The following NCOA6 variants were observed in gnomAD, a reference collection of about 807,000 sequenced individuals.
NCOA6 encodes NRC RAP250.
NCOA6 carries 49 observed loss-of-function variants against 171.4 expected under a neutral mutation model. The ratio of observed to expected loss-of-function variants is 0.29; its 90% CI spans 0.23 to 0.36. The LOEUF is 0.36. NCOA6 is among the 10% of genes least tolerant of loss of function. NCOA6 has a pLI of 1.00. For missense variants in NCOA6, 2,248 were observed against 2,554.5 expected (o/e 0.88, Z 2.59); for synonymous variants, 910 against 927.5 (o/e 0.98, Z 0.34).
intron 1 of NCOA6, among the ~76,000 whole-genome samples, chr20:34,813,530 A>G (rs2078741078): frequency 6.6e-6 from 1 of 152,074 alleles, no homozygotes; most frequent in Admixed American, 6.6e-5. Context: ...ATGTTAGATA[A>G]TATTAAGAAA....
chr20:34,785,436 A>T (rs892973297), intron 2 of NCOA6, among the ~76,000 whole-genome samples: 96 of 151,394 alleles, frequency 6.3e-4, no homozygotes, highest in African/African-American at 2.2e-3. Flanking sequence ...CAATTTTTTT[A>T]AAAATTAAAA....
chr20:34,785,643 G>A (rs968656752), intron 2 of NCOA6, among the ~76,000 whole-genome samples: 11 of 152,106 alleles, frequency 7.2e-5, no homozygotes, highest in African/African-American at 2.6e-4. Flanking sequence ...TGACTATTTA[G>A]CAGCTATTCC....
chr20:34,725,606 A>T (rs533640884), intron 14 of NCOA6, among the ~76,000 whole-genome samples: 30 of 152,218 alleles, frequency 2.0e-4, no homozygotes, highest in Non-Finnish European at 3.5e-4. Context: ...TACAATGGTA[A>T]ATCATTGAAG....
In NCOA6 at chr20:34,738,229, C is replaced by G. The variant is rs530279422; in HGVS notation, c.5894-1471G>C. 3.9e-5 allele frequency among the ~76,000 whole-genome samples: 6 copies of G among 152,210 alleles called. No individual in the cohort carries two copies. The South Asian group carries it at 1.2e-3, about 32-fold the overall frequency. On this transcript the variant is annotated intron_variant, in intron 11 of 14. Transcript: ENST00000359003. ...ATTTCTCATATTTTCAAAGTAAAAG[C>G]ACAGAAGCCCCTTGAAAAAGAACAG...
chr20:34,817,006 C>A (rs1244696097), intron 1 of NCOA6, among the ~76,000 whole-genome samples: 1 of 150,746 alleles, frequency 6.6e-6, no homozygotes, highest in Non-Finnish European at 1.5e-5. Context: ...GCCTGTAGTC[C>A]CAGCTACTCA....
intron 1 of NCOA6, among the ~76,000 whole-genome samples, chr20:34,808,503 A>G (rs1324977452): frequency 7.2e-6 from 1 of 139,730 alleles, no homozygotes; most frequent in Non-Finnish European, 1.5e-5. Flanking sequence ...CAATGGTGCG[A>G]TCTTGGCTCA....
chr20:34,784,460 AG>A (rs2077605610), intron 2 of NCOA6, among the ~76,000 whole-genome samples: 1 of 152,082 alleles, frequency 6.6e-6, no homozygotes, highest in Non-Finnish European at 1.5e-5. Context: ...TCTTAGGCTC[AG>A]GTGATCCTCC....
chr20:34,739,745 T>C (rs1023321022), intron 11 of NCOA6, among the ~76,000 whole-genome samples: 6 of 152,216 alleles, frequency 3.9e-5, no homozygotes, highest in African/African-American at 1.4e-4. Flanking sequence ...ATATCTGACA[T>C]AGTTGGTATA....
chr20:34,763,663 T>C (rs1191458596), intron 5 of NCOA6, among the ~76,000 whole-genome samples: 2 of 152,218 alleles, frequency 1.3e-5, no homozygotes, highest in Admixed American at 1.3e-4. Context: ...TACCTAATGT[T>C]AATGACTTAG....
chr20:34,809,925 A>C (rs2078597249), intron 1 of NCOA6, among the ~76,000 whole-genome samples: 1 of 152,130 alleles, frequency 6.6e-6, no homozygotes, highest in Non-Finnish European at 1.5e-5. Context: ...TGGAGATTGC[A>C]CCACTGCACT....
chr20:34,795,365 T>C (rs1202569006), intron 1 of NCOA6, among the ~76,000 whole-genome samples: 2 of 152,178 alleles, frequency 1.3e-5, no homozygotes, highest in African/African-American at 4.8e-5. Flanking sequence ...GTGAGACTCT[T>C]CATTTATGCC....
At chr20:34,718,893 G>A (rs1472273115) in intron 14 of NCOA6, among the ~76,000 whole-genome samples, 3 of 152,282 alleles carry the variant, frequency 2.0e-5, no homozygotes, top group African/African-American at 4.8e-5. Flanking sequence ...TGATTGGCAC[G>A]CTGTTCCTAA....
chr20:34,767,835 G>A (rs886801885), intron 5 of NCOA6, among the ~76,000 whole-genome samples: 10 of 152,084 alleles, frequency 6.6e-5, no homozygotes, highest in East Asian at 3.9e-4. Context: ...CTAGTTTATC[G>A]CTCCTTGACC....
At chr20:34,739,207 T>C (rs926025553) in intron 11 of NCOA6, among the ~76,000 whole-genome samples, 4 of 152,250 alleles carry the variant, frequency 2.6e-5, no homozygotes, top group African/African-American at 9.6e-5. Flanking sequence ...AGAGATTACA[T>C]CAAAAAGAAA....
At chr20:34,732,536 G>A (rs1414224845) in intron 13 of NCOA6, 23 bp downstream of exon 13, 15 of 1,611,100 alleles carry the variant, frequency 9.3e-6, no homozygotes, top group East Asian at 8.9e-5. Context: ...TTCATGCTAC[G>A]TCTGCAGAAA....
At position 34,750,239 on chromosome 20, in the gene NCOA6, C is replaced by T. The variant is rs1344600475; in HGVS notation, c.1956G>A (p.Arg652=). 1 of 1,610,474 alleles carries T rather than the reference C, an allele frequency of 6.2e-7. No homozygotes were observed. Among genetic ancestry groups the T allele is most frequent in the Admixed American group, 1.7e-5 (1 of 59,674 alleles). ...LNPQNPMILS[R]AQLMPQGQMM... ...TCTGGCCCTGTGGCATAAGCTGGGC[C>T]CTTGAAAGGATCATAGGGTTCTGAG... Residue 652 remains arginine, a synonymous_variant, in exon 9 of 15, where the codon AGG becomes AGA. Transcript: ENST00000359003.
rs140729049 is a variant in NCOA6, at chr20:34,768,421, A to G, written c.514+43T>C. The G allele has an allele frequency of 2.1e-4, 344 of 1,608,280 alleles. 1 individual carries two copies. In the African/African-American group the frequency reaches 4.4e-3, roughly 20 times the overall value. On this transcript the variant is annotated intron_variant, in intron 5 of 14. Coordinates refer to ENST00000359003, the MANE Select transcript of NCOA6 (RefSeq NM_014071.5). ...CTCAAATGATCAAATAAGCCAAAAA[A>G]GGAAACTAGTAAAATGTCATACAAT...
intron 13 of NCOA6, among the ~76,000 whole-genome samples, chr20:34,731,371 G>A (rs1186225472): frequency 6.6e-6 from 1 of 152,188 alleles, no homozygotes; most frequent in Non-Finnish European, 1.5e-5. Context: ...GCAATACATA[G>A]GTTAAATATC....
chr20:34,758,873 G>T lies in NCOA6; in HGVS notation c.575C>A (p.Ser192Tyr), dbSNP rs2076731635. The change falls in exon 6 of 15, where the codon TCT becomes TAT. Residue 192 changes from serine to tyrosine, a missense_variant. This residue lies in a region of NCOA6 where 987 missense variants were observed against 1,104.7 expected (regional missense o/e 0.89). Transcript: ENST00000359003. ...ATTGGGGCCTGGTGCCATCATGGAA[G>T]ATGACACATTTCCACCCGGGGGTAT... ...VMIPPGGNVS[S>Y]SMMAPGPNPE... 2 of 1,613,720 alleles carry T rather than the reference G, an allele frequency of 1.2e-6. No individual in the cohort carries two copies. Among genetic ancestry groups the T allele is most frequent in the South Asian group, 2.2e-5 (2 of 90,974 alleles).
Sources: allele counts gnomAD v4.1 joint callset (sites outside exome capture counted in the v4.1 genomes callset), GRCh38; gene constraint gnomAD v4.1.1; regional missense constraint gnomAD v4.1.1; transcripts MANE v1.5; gene names NCBI Gene and HGNC (gene_info 2026-07-23, HGNC 2026-07-21).